Variants in CFAP36 observed in about 807,000 individuals in gnomAD.
CFAP36 encodes the protein cilia- and flagella-associated protein 36.
Under a neutral mutation model 50.5 loss-of-function variants are expected in CFAP36, and 37 were observed. That is an observed-to-expected ratio of 0.73 (90% CI 0.56 to 0.96). The LOEUF is 0.96. Among genes scored for constraint, CFAP36 ranks in the 50% least tolerant of loss-of-function variants. The pLI is 0.00. For missense variants in CFAP36, 407 were observed against 396.2 expected (o/e 1.03, Z -0.23); for synonymous variants, 138 against 128.2 (o/e 1.08, Z -0.52).
At chr2:55,538,206 G>T (rs1012920743) in intron 7 of CFAP36, among the ~76,000 whole-genome samples, 3 of 151,654 alleles carry the variant, frequency 2.0e-5, no homozygotes, top group Non-Finnish European at 2.9e-5. Context: ...TTTTATTATG[G>T]ATTCCTATGG....
At chr2:55,520,365 AG>A (rs768682306) in intron 1 of CFAP36, 1 of 1,495,304 alleles carries the variant, frequency 6.7e-7, no homozygotes, top group South Asian at 1.3e-5. Flanking sequence ...CGGTGTAGTC[AG>A]CTTAGGAAAT....
intron 3 of CFAP36, among the ~76,000 whole-genome samples, chr2:55,524,220 G>C (rs965472936): frequency 6.6e-6 from 1 of 152,134 alleles, no homozygotes; most frequent in African/African-American, 2.4e-5. Flanking sequence ...TGTAGTGCTA[G>C]GCTGAAGTAG....
chr2:55,523,903 G>T (rs1013736321), intron 3 of CFAP36, 81 bp downstream of exon 3: 10 of 840,328 alleles, frequency 1.2e-5, no homozygotes, highest in Non-Finnish European at 1.8e-5. Flanking sequence ...TTGAATGTTT[G>T]ATTGACAAAG....
chr2:55,519,843 G>T lies in CFAP36; in HGVS notation c.42G>T (p.Glu14Asp). Residue 14 changes from glutamate to aspartate, a missense_variant, in exon 1 of 10, where the codon GAG becomes GAT. Transcript: ENST00000349456. ...AAGACGAGGTGGAGTGGGTAGTGGA[G>T]AGCATCGCGGGGTTCCTGCGAGGCC... is the stretch of plus-strand genomic sequence containing the variant. ...EEEDEVEWVV[E>D]SIAGFLRGPD... 1 of 1,614,264 alleles carries T rather than the reference G, an allele frequency of 6.2e-7. No homozygotes were observed. The highest frequency in any genetic ancestry group is 8.5e-7 in the Non-Finnish European group (1 of 1,180,046).
At chr2:55,534,965 C>T (rs546920209) in intron 5 of CFAP36, among the ~76,000 whole-genome samples, 1 of 152,214 alleles carries the variant, frequency 6.6e-6, no homozygotes, top group African/African-American at 2.4e-5. Flanking sequence ...CCTTGGATGG[C>T]AGGGGCAAAT....
At chr2:55,544,677 C>T (rs1684726186) in intron 9 of CFAP36, among the ~76,000 whole-genome samples, 1 of 152,094 alleles carries the variant, frequency 6.6e-6, no homozygotes, top group Non-Finnish European at 1.5e-5. Flanking sequence ...TATCATAGAG[C>T]AGCATCAGTA....
In CFAP36 at chr2:55,532,958, C is replaced by G. The variant is rs74827792; in HGVS notation, c.398-915C>G. Among the ~76,000 whole-genome samples the G allele has an allele frequency of 6.6e-3, 1,007 of 152,314 alleles. 5 individuals are homozygous for G. The highest frequency in any genetic ancestry group is 0.01 in the Non-Finnish European group (682 of 68,018). On this transcript the variant is annotated intron_variant, in intron 4 of 9. Coordinates refer to ENST00000349456, the MANE Select transcript of CFAP36 (RefSeq NM_080667.7). ...TTATTTTCTTGGGCTCAAGTTGCTA[C>G]TTCCCTGGTTTATAATTATTAGACC...
intron 2 of CFAP36, among the ~76,000 whole-genome samples, chr2:55,522,814 A>G (rs980951316): frequency 1.1e-4 from 17 of 151,812 alleles, no homozygotes; most frequent in African/African-American, 3.4e-4. Flanking sequence ...TGCCTCTGGC[A>G]GTGGGGCTCA....
At chr2:55,544,804 C>T in intron 9 of CFAP36, 103 bp from the exon 10 acceptor site, 1 of 687,838 alleles carries the variant, frequency 1.5e-6, no homozygotes, top group South Asian at 2.0e-5. Context: ...CTCCGTCCCA[C>T]AAGAAGGTGC....
chr2:55,537,379 A>G lies in CFAP36; in HGVS notation c.538-104A>G, dbSNP rs1439664928. ...GAGTGAGACTCTGTCTCAAAAGAAA[A>G]AAAAAAGAAAACTATAATATCTTTG... On this transcript the variant is annotated intron_variant, in intron 6 of 9. Transcript: ENST00000349456. The G allele has an allele frequency of 7.3e-6, 6 of 820,914 alleles. No individual in the cohort carries two copies. In the East Asian group the frequency reaches 1.6e-4, roughly 22 times the overall value. 50.9% of individuals were successfully genotyped at this position (820,914 alleles called of 1,614,324 possible). A position where few individuals can be genotyped will look rare whatever the true frequency, so the allele number is the denominator to read the frequency against.
At chr2:55,535,486 A>G (rs1487449017) in intron 5 of CFAP36, among the ~76,000 whole-genome samples, 1 of 152,228 alleles carries the variant, frequency 6.6e-6, no homozygotes, top group Non-Finnish European at 1.5e-5. Flanking sequence ...TCTAGAAGAA[A>G]TGGGTAGACC....
At chr2:55,543,856 A>G in intron 7 of CFAP36, 82 bp from the exon 8 acceptor site, 1 of 1,291,070 alleles carries the variant, frequency 7.7e-7, no homozygotes, top group Non-Finnish European at 1.1e-6. Flanking sequence ...TATTAACATT[A>G]GCTCATTTCG....
At chr2:55,537,734 G>T in intron 7 of CFAP36, 149 bp downstream of exon 7, 1 of 596,898 alleles carries the variant, frequency 1.7e-6, no homozygotes, top group Admixed American at 3.4e-5. Flanking sequence ...TGTGAATTTG[G>T]TTAAAGAGGT....
intron 3 of CFAP36, among the ~76,000 whole-genome samples, chr2:55,528,651 C>T (rs940584364): frequency 2.0e-5 from 3 of 152,100 alleles, no homozygotes; most frequent in Admixed American, 6.6e-5. Flanking sequence ...CTGCCTCAGC[C>T]GCCCAAAGTA....
chr2:55,520,621 G>C (rs1203392253), intron 1 of CFAP36: 2 of 583,468 alleles, frequency 3.4e-6, no homozygotes, highest in East Asian at 6.7e-5. Context: ...CTTCAGGCTT[G>C]GAGTTCTGCA....
chr2:55,529,193 G>A (rs759806698), intron 4 of CFAP36, among the ~76,000 whole-genome samples: 1 of 151,922 alleles, frequency 6.6e-6, no homozygotes, highest in Non-Finnish European at 1.5e-5. Flanking sequence ...AGGCTGAGGC[G>A]GGCAGACCAT....
intron 4 of CFAP36, 33 bp downstream of exon 4, chr2:55,529,025 A>G: frequency 6.8e-7 from 1 of 1,460,432 alleles, no homozygotes; most frequent in South Asian, 1.2e-5. Flanking sequence ...CTAAGTACTA[A>G]ATGCATTTTT....
At position 55,544,469 on chromosome 2, in the gene CFAP36, A is replaced by C. The variant is rs147960721; in HGVS notation, c.927+100A>C. On this transcript the variant is annotated intron_variant, in intron 9 of 9. Transcript: ENST00000349456. ...AGCCTCTAATAAATTTTGCTTGCAG[A>C]CCCATTCATATTAATCACCTCCTAG... The C allele has an allele frequency of 9.4e-4, 1,139 of 1,205,326 alleles. 2 individuals are homozygous for C. The highest frequency in any genetic ancestry group is 1.2e-3 in the Middle Eastern group (6 of 5,068). 74.7% of individuals were successfully genotyped at this position (1,205,326 alleles called of 1,614,324 possible).
At position 55,537,594 on chromosome 2, in the gene CFAP36, G is replaced by C. The variant is rs200890171; in HGVS notation, c.640+9G>C. 25 of 1,565,092 alleles carry C rather than the reference G, an allele frequency of 1.6e-5. No homozygotes were observed. Among genetic ancestry groups the C allele is most frequent in the Non-Finnish European group, 2.0e-5 (23 of 1,145,024 alleles). On this transcript the variant is annotated intron_variant, in intron 7 of 9. Transcript: ENST00000349456. ...TGCACACCCACCCTCAGGTAAGGTT[G>C]AGGTGTACTGAACTTTCTCTAATAA...
Sources: allele counts gnomAD v4.1 joint callset (sites outside exome capture counted in the v4.1 genomes callset), GRCh38; gene constraint gnomAD v4.1.1; transcripts MANE v1.5; gene names NCBI Gene and HGNC (gene_info 2026-07-23, HGNC 2026-07-21).